The following ZNF365 variants were observed in gnomAD, a reference collection of about 807,000 sequenced individuals.
ZNF365 encodes zinc finger protein 365.
ZNF365 carries 22 observed loss-of-function variants against 35.0 expected under a neutral mutation model. The ratio of observed to expected loss-of-function variants is 0.63; its 90% CI spans 0.45 to 0.90. The LOEUF (loss-of-function observed/expected upper bound fraction) is 0.90. ZNF365 is among the 40% of genes least tolerant of loss of function. ZNF365 has a pLI of 0.00. For missense variants in ZNF365, 448 were observed against 500.3 expected (o/e 0.90, Z 1.00); for synonymous variants, 188 against 196.2 (o/e 0.96, Z 0.35).
At chr10:62,384,451 C>T (rs372094378) in intron 2 of ZNF365, among the ~76,000 whole-genome samples, 15 of 152,226 alleles carry the variant, frequency 9.9e-5, no homozygotes, top group East Asian at 5.8e-4. Flanking sequence ...TATATGCTAA[C>T]GTAAATAACA....
At chr10:62,476,610 T>C (rs1299438080) in intron 4 of ZNF365, among the ~76,000 whole-genome samples, 1 of 152,250 alleles carries the variant, frequency 6.6e-6, no homozygotes, top group African/African-American at 2.4e-5. Context: ...GACTAAGATC[T>C]TGTGTTAGGA....
At chr10:62,468,621 G>T (rs1220192969) in intron 4 of ZNF365, among the ~76,000 whole-genome samples, 4 of 152,168 alleles carry the variant, frequency 2.6e-5, no homozygotes, top group African/African-American at 9.7e-5. Flanking sequence ...TGCCCCCCCA[G>T]ATTAGCAGTT....
chr10:62,422,972 A>C (rs984949166), intron 3 of ZNF365, among the ~76,000 whole-genome samples: 12 of 152,206 alleles, frequency 7.9e-5, no homozygotes, highest in Admixed American at 7.2e-4. Context: ...ATCCCTGATG[A>C]GTTGTCTGAG....
At chr10:62,377,634 T>C (rs1258825534) in intron 2 of ZNF365, among the ~76,000 whole-genome samples, 1 of 152,206 alleles carries the variant, frequency 6.6e-6, no homozygotes, top group East Asian at 1.9e-4. Context: ...TCACAAGTTA[T>C]AGATCATAGA....
intron 3 of ZNF365, among the ~76,000 whole-genome samples, chr10:62,440,616 A>G (rs888651106): frequency 6.6e-6 from 1 of 152,226 alleles, no homozygotes; most frequent in Non-Finnish European, 1.5e-5. Context: ...GATATGAGAT[A>G]GAGAATTGTA....
chr10:62,472,882 G>A (rs1841065937), intron 4 of ZNF365, among the ~76,000 whole-genome samples: 1 of 152,086 alleles, frequency 6.6e-6, no homozygotes, highest in African/African-American at 2.4e-5. Context: ...TCCAAGTATA[G>A]AATAGCACAA....
At chr10:62,476,799 CTGTT>C (rs1170374719) in intron 4 of ZNF365, among the ~76,000 whole-genome samples, 1 of 152,186 alleles carries the variant, frequency 6.6e-6, no homozygotes, top group Non-Finnish European at 1.5e-5. Flanking sequence ...TCTCTCATCA[CTGTT>C]TGAATTTCAG....
chr10:62,406,782 T>C (rs1267258003), downstream of ZNF365, among the ~76,000 whole-genome samples: 1 of 152,168 alleles, frequency 6.6e-6, no homozygotes, highest in African/African-American at 2.4e-5. Flanking sequence ...TGAATATCCA[T>C]TTCTTGGCCA....
intron 2 of ZNF365, among the ~76,000 whole-genome samples, chr10:62,378,334 A>G (rs936206368): frequency 2.0e-5 from 3 of 152,240 alleles, no homozygotes; most frequent in African/African-American, 7.2e-5. Flanking sequence ...AAAAGGCAAC[A>G]AAATTAATTT....
chr10:62,409,542 T>C (rs1249748108), intron 3 of ZNF365, among the ~76,000 whole-genome samples: 1 of 152,150 alleles, frequency 6.6e-6, no homozygotes, highest in Non-Finnish European at 1.5e-5. Context: ...TGCATTCCAG[T>C]TGGGCTGTAA....
At chr10:62,384,571 C>G (rs1268610390) in intron 2 of ZNF365, among the ~76,000 whole-genome samples, 1 of 152,138 alleles carries the variant, frequency 6.6e-6, no homozygotes, top group Non-Finnish European at 1.5e-5. Flanking sequence ...TTTGGTAGTT[C>G]CACATTCAGT....
intron 4 of ZNF365, among the ~76,000 whole-genome samples, chr10:62,474,472 C>T (rs1008450944): frequency 1.3e-5 from 2 of 152,010 alleles, no homozygotes; most frequent in Non-Finnish European, 2.9e-5. Flanking sequence ...TTTGCCATTT[C>T]GTGTGTGTGT....
At chr10:62,388,670 G>A in intron 3 of ZNF365, 94 bp downstream of exon 3, 2 of 1,425,770 alleles carry the variant, frequency 1.4e-6, no homozygotes, top group African/African-American at 1.4e-5. Flanking sequence ...TGACTTGCAG[G>A]GACTCTCTAG....
intron 4 of ZNF365, among the ~76,000 whole-genome samples, chr10:62,462,162 C>T (rs1840857985): frequency 6.6e-6 from 1 of 152,136 alleles, no homozygotes; most frequent in Admixed American, 6.5e-5. Context: ...ACCTGATAAC[C>T]AATTAGATGT....
chr10:62,438,259 G>T (rs1157785501), intron 3 of ZNF365, among the ~76,000 whole-genome samples: 1 of 151,284 alleles, frequency 6.6e-6, no homozygotes, highest in African/African-American at 2.4e-5. Context: ...CTCTATCTCA[G>T]CTCACTGCAA....
At chr10:62,443,328 C>A (rs1300662386) in intron 3 of ZNF365, among the ~76,000 whole-genome samples, 2 of 152,170 alleles carry the variant, frequency 1.3e-5, no homozygotes, top group African/African-American at 2.4e-5. Context: ...CAAACAGAGA[C>A]CCTCAATGTC....
chr10:62,424,606 T>C (rs2132450654), intron 3 of ZNF365, among the ~76,000 whole-genome samples: 1 of 152,310 alleles, frequency 6.6e-6, no homozygotes, highest in African/African-American at 2.4e-5. Flanking sequence ...CTTCACTGAT[T>C]TGGATTCCAT....
chr10:62,389,667 A>T (rs1839592596), intron 3 of ZNF365, among the ~76,000 whole-genome samples: 1 of 152,216 alleles, frequency 6.6e-6, no homozygotes, highest in Admixed American at 6.5e-5. Context: ...AAAAGAAGGA[A>T]CAGCAGAGAG....
At chr10:62,408,276 C>G (rs1430953374) in intron 3 of ZNF365, among the ~76,000 whole-genome samples, 2 of 152,108 alleles carry the variant, frequency 1.3e-5, no homozygotes, top group African/African-American at 4.8e-5. Context: ...AAGATTCTTC[C>G]CTGTGTACTA....
Sources: gnomAD v4.1 joint callset for allele counts (sites outside exome capture counted in the v4.1 genomes callset) on GRCh38, gnomAD v4.1.1 for gene constraint, MANE v1.5 for transcripts, NCBI Gene and HGNC (gene_info 2026-07-23, HGNC 2026-07-21) for gene names.